The following CACNA2D3 variants were observed in gnomAD, a reference collection of about 807,000 sequenced individuals.
CACNA2D3 encodes the protein voltage-dependent calcium channel subunit alpha-2/delta-3.
A neutral mutation model predicts 160.6 loss-of-function variants in CACNA2D3; 60 were observed. The observed-to-expected ratio is 0.37, with a 90% CI of 0.30 to 0.46. The LOEUF is 0.46. Among genes scored for constraint, CACNA2D3 ranks in the 20% least tolerant of loss-of-function variants. The pLI is 1.00. For synonymous variants in CACNA2D3, 558 were observed against 492.9 expected (o/e 1.13, Z -1.75); for missense variants, 1,205 against 1,365.0 (o/e 0.88, Z 1.85).
At position 54,803,318 on chromosome 3, in the gene CACNA2D3, T is replaced by A. The variant is rs183527587; in HGVS notation, c.1381-13535T>A. Among the ~76,000 whole-genome samples, 233 of 151,972 alleles carry A rather than the reference T, an allele frequency of 1.5e-3. 1 individual carries two copies. The highest frequency in any genetic ancestry group is 5.2e-3 in the African/African-American group (215 of 41,424). On this transcript the variant is annotated intron_variant, in intron 13 of 37. Transcript: ENST00000474759. ...AAGAAGTTGAAAACTTTGAAAAAAA[T>A]TTAGACGAATGTATAAGTAGAATAA...
chr3:54,857,211 A>G (rs986160260), intron 17 of CACNA2D3, among the ~76,000 whole-genome samples: 6 of 152,204 alleles, frequency 3.9e-5, no homozygotes, highest in Non-Finnish European at 8.8e-5. Flanking sequence ...GAATCTGTTC[A>G]TAGATTTAGG....
Position 54,704,466 on chromosome 3 carries a change from C to T in CACNA2D3, c.1168-48133C>T, listed in dbSNP as rs117333916. On this transcript the variant is annotated intron_variant, in intron 11 of 37. Transcript: ENST00000474759. ...TTATTTTTCCCTCTTTTTTTTAATA[C>T]CTGGCTAATAGGTTTTTGCCTTTTC... is the stretch of plus-strand genomic sequence containing the variant. 2.4e-4 allele frequency among the ~76,000 whole-genome samples: 36 copies of T among 151,298 alleles called. No individual in the cohort carries two copies. In the East Asian group the frequency reaches 6.6e-3, roughly 28 times the overall value.
At chr3:54,758,414 G>A (rs1559571370) in intron 12 of CACNA2D3, among the ~76,000 whole-genome samples, 1 of 152,016 alleles carries the variant, frequency 6.6e-6, no homozygotes, top group African/African-American at 2.4e-5. Flanking sequence ...AGACCATTGG[G>A]CTCCCTGCCC....
intron 4 of CACNA2D3, among the ~76,000 whole-genome samples, chr3:54,443,501 C>A (rs1700174521): frequency 6.6e-6 from 1 of 152,174 alleles, no homozygotes; most frequent in Non-Finnish European, 1.5e-5. Context: ...TTCTTTTGGG[C>A]TTCTTCACTA....
intron 27 of CACNA2D3, among the ~76,000 whole-genome samples, chr3:54,900,179 C>G (rs1465653677): frequency 6.6e-6 from 1 of 152,158 alleles, no homozygotes; most frequent in South Asian, 2.1e-4. Flanking sequence ...AAAGTAAACT[C>G]CAGATCTCCA....
chr3:54,891,177 G>C (rs1170685017), intron 24 of CACNA2D3, among the ~76,000 whole-genome samples, 178 bp from the exon 25 acceptor site: 3 of 139,286 alleles, frequency 2.2e-5, no homozygotes, highest in Non-Finnish European at 3.0e-5. Flanking sequence ...GGCAATCTGT[G>C]CTCGTGTGTG....
intron 35 of CACNA2D3, 67 bp downstream of exon 35, chr3:55,018,384 G>T: frequency 2.1e-6 from 2 of 950,494 alleles, no homozygotes; most frequent in African/African-American, 1.6e-5. Context: ...TCCCAGATGG[G>T]TCTGTGTGAC....
chr3:54,984,542 A>G, intron 29 of CACNA2D3, 66 bp from the exon 30 acceptor site: 1 of 889,734 alleles, frequency 1.1e-6, no homozygotes, highest in Non-Finnish European at 1.8e-6. Flanking sequence ...CATTCTGTTT[A>G]AAAGCAGTGT....
At chr3:54,827,416 T>G (rs958349715) in intron 14 of CACNA2D3, among the ~76,000 whole-genome samples, 12 of 152,252 alleles carry the variant, frequency 7.9e-5, no homozygotes, top group African/African-American at 2.9e-4. Flanking sequence ...TCAATAAAAA[T>G]GACTCAGCAA....
At chr3:54,300,037 A>T (rs1703438995) in intron 2 of CACNA2D3, among the ~76,000 whole-genome samples, 1 of 152,166 alleles carries the variant, frequency 6.6e-6, no homozygotes, top group African/African-American at 2.4e-5. Flanking sequence ...AATTCAAAGG[A>T]TTTTCTCTCC....
At chr3:54,275,525 A>G (rs989063582) in intron 2 of CACNA2D3, among the ~76,000 whole-genome samples, 4 of 152,262 alleles carry the variant, frequency 2.6e-5, no homozygotes, top group African/African-American at 9.6e-5. Context: ...CACCTTAAAT[A>G]GCAAGATGTG....
At chr3:54,801,322 C>A (rs180814136) in intron 13 of CACNA2D3, among the ~76,000 whole-genome samples, 1 of 151,928 alleles carries the variant, frequency 6.6e-6, no homozygotes, top group African/African-American at 2.4e-5. Context: ...GTTGGCTTGG[C>A]GGGGGTGGTA....
intron 4 of CACNA2D3, among the ~76,000 whole-genome samples, chr3:54,403,873 A>T (rs1489641134): frequency 6.6e-6 from 1 of 152,184 alleles, no homozygotes; most frequent in Non-Finnish European, 1.5e-5. Context: ...ATATGCCAAG[A>T]AATTTTGATA....
intron 30 of CACNA2D3, among the ~76,000 whole-genome samples, chr3:54,985,207 G>A (rs1252475472): frequency 1.3e-5 from 2 of 152,190 alleles, no homozygotes; most frequent in Non-Finnish European, 2.9e-5. Flanking sequence ...GATAGAAGAG[G>A]AATATTCTTC....
At chr3:54,522,575 G>T (rs1701661626) in intron 5 of CACNA2D3, among the ~76,000 whole-genome samples, 1 of 152,284 alleles carries the variant, frequency 6.6e-6, no homozygotes, top group South Asian at 2.1e-4. Context: ...ATATTGAACA[G>T]AAATTTATTT....
At chr3:54,428,189 A>G (rs144806116) in intron 4 of CACNA2D3, among the ~76,000 whole-genome samples, 253 of 152,328 alleles carry the variant, frequency 1.7e-3, no homozygotes, top group African/African-American at 5.8e-3. Flanking sequence ...CTGAGCAACA[A>G]TGTGGCTTTA....
At chr3:54,205,161 AG>A (rs893815021) in intron 2 of CACNA2D3, among the ~76,000 whole-genome samples, 1 of 152,176 alleles carries the variant, frequency 6.6e-6, no homozygotes, top group Non-Finnish European at 1.5e-5. Context: ...ATAACAATAG[AG>A]GGGGGAAAGT....
chr3:54,850,881 T>C (rs1699043837), intron 17 of CACNA2D3, among the ~76,000 whole-genome samples: 1 of 152,224 alleles, frequency 6.6e-6, no homozygotes, highest in South Asian at 2.1e-4. Flanking sequence ...GGGTCACATA[T>C]GTGGGAGTGG....
chr3:54,809,197 T>C (rs1449112383), intron 13 of CACNA2D3, among the ~76,000 whole-genome samples: 1 of 151,746 alleles, frequency 6.6e-6, no homozygotes, highest in Non-Finnish European at 1.5e-5. Context: ...CTTCCTTCTT[T>C]CTTCTCCTTC....
Sources: allele counts gnomAD v4.1 joint callset (sites outside exome capture counted in the v4.1 genomes callset), GRCh38; gene constraint gnomAD v4.1.1; transcripts MANE v1.5; gene names NCBI Gene and HGNC (gene_info 2026-07-23, HGNC 2026-07-21).